The following SGCZ variants were observed in gnomAD, a reference collection of about 807,000 sequenced individuals.
SGCZ encodes the protein zeta-sarcoglycan.
SGCZ carries 40 observed loss-of-function variants against 41.3 expected under a neutral mutation model. The ratio of observed to expected loss-of-function variants is 0.97; its 90% CI spans 0.75 to 1.26. The LOEUF (loss-of-function observed/expected upper bound fraction) is 1.26. Ranked by LOEUF, SGCZ falls within the 50% of genes most tolerant of loss-of-function variation. The probability of loss-of-function intolerance (pLI) is 0.00; values close to 1 mark genes in which losing one functional copy is unlikely to be tolerated. For synonymous variants in SGCZ, 206 were observed against 137.5 expected, an observed-to-expected ratio of 1.50 and a Z score of -3.49; for missense variants, 552 against 369.8, an observed-to-expected ratio of 1.49 and a Z score of -4.04.
At chr8:14,838,539 C>A (rs1563305722) in intron 1 of SGCZ, among the ~76,000 whole-genome samples, 1 of 152,128 alleles carries the variant, frequency 6.6e-6, no homozygotes, top group Non-Finnish European at 1.5e-5. Flanking sequence ...TAGTGTAGAA[C>A]CTGTTGGAAT....
chr8:14,951,952 G>T (rs1038825152), intron 1 of SGCZ, among the ~76,000 whole-genome samples: 2 of 151,964 alleles, frequency 1.3e-5, no homozygotes, highest in South Asian at 4.2e-4. Context: ...TGATTGATGT[G>T]CCTATCATAA....
Position 14,305,449 on chromosome 8 carries a change from C to T in SGCZ, c.336+18654G>A, listed in dbSNP as rs917729041. ...TTCATGAGGTCTATATCTTCAAAAG[C>T]CATTCAAAATTCTGTTGTAAATGTG... On this transcript the variant is annotated intron_variant, in intron 3 of 7. Coordinates refer to ENST00000382080, the MANE Select transcript of SGCZ (RefSeq NM_139167.4). 6.6e-5 allele frequency among the ~76,000 whole-genome samples: 10 copies of T among 152,124 alleles called. No homozygotes were observed. The East Asian group carries it at 1.9e-3, about 29-fold the overall frequency.
At chr8:14,672,479 T>A (rs1336138696) in intron 1 of SGCZ, among the ~76,000 whole-genome samples, 1 of 152,180 alleles carries the variant, frequency 6.6e-6, no homozygotes, top group Non-Finnish European at 1.5e-5. Context: ...AGCCCTGAAG[T>A]GCTATTATTA....
chr8:15,195,381 T>A (rs1800689919), intron 1 of SGCZ, among the ~76,000 whole-genome samples: 1 of 152,216 alleles, frequency 6.6e-6, no homozygotes, highest in Non-Finnish European at 1.5e-5. Flanking sequence ...TCCTTCCCAC[T>A]GCCAAATGCT....
chr8:14,941,328 G>A (rs1800268631), intron 1 of SGCZ, among the ~76,000 whole-genome samples: 1 of 152,054 alleles, frequency 6.6e-6, no homozygotes, highest in African/African-American at 2.4e-5. Context: ...TATTTAAAGT[G>A]GCAAAAACCA....
At position 14,288,210 on chromosome 8, in the gene SGCZ, T is replaced by A. The variant is rs1028279110; in HGVS notation, c.336+35893A>T. ...TTACTTTTTCAGTGTATTATAAAAT[T>A]TAATTATTAATCTCTTAAATTAATT... On this transcript the variant is annotated intron_variant, in intron 3 of 7. Coordinates refer to ENST00000382080, the MANE Select transcript of SGCZ (RefSeq NM_139167.4). Among the ~76,000 whole-genome samples the A allele has an allele frequency of 4.1e-4, 63 of 152,218 alleles. 1 individual carries two copies. The highest frequency in any genetic ancestry group is 1.4e-3 in the African/African-American group (58 of 41,546).
intron 2 of SGCZ, among the ~76,000 whole-genome samples, chr8:14,328,648 G>T (rs903106657): frequency 1.3e-5 from 2 of 151,906 alleles, no homozygotes; most frequent in Non-Finnish European, 2.9e-5. Flanking sequence ...AACTATCTTT[G>T]AACTTCAGTA....
At chr8:14,299,372 CAT>C (rs1438625151) in intron 3 of SGCZ, among the ~76,000 whole-genome samples, 2 of 151,850 alleles carry the variant, frequency 1.3e-5, no homozygotes, top group Non-Finnish European at 2.9e-5. Flanking sequence ...AATGAATAGA[CAT>C]AACGTAGACT....
chr8:14,282,308 T>A (rs576166091), intron 3 of SGCZ, among the ~76,000 whole-genome samples: 1 of 152,246 alleles, frequency 6.6e-6, no homozygotes, highest in South Asian at 2.1e-4. Flanking sequence ...ATATCTTCAC[T>A]CCACACTCAC....
intron 2 of SGCZ, among the ~76,000 whole-genome samples, chr8:14,332,052 C>G (rs1442202051): frequency 6.6e-6 from 1 of 151,962 alleles, no homozygotes; most frequent in African/African-American, 2.4e-5. Context: ...TACCCAAATA[C>G]ATATTTTTAT....
chr8:15,218,537 C>T (rs937666368), intron 1 of SGCZ, among the ~76,000 whole-genome samples: 2 of 152,168 alleles, frequency 1.3e-5, no homozygotes, highest in Non-Finnish European at 2.9e-5. Context: ...TTCTAACATA[C>T]ATCCATGCAA....
rs58672796 is a variant in SGCZ at position 15,128,905 on chromosome 8, C to G, written c.39+108680G>C. Among the ~76,000 whole-genome samples the G allele has an allele frequency of 6.3e-3, 956 of 152,294 alleles. 8 individuals carry two copies. Among genetic ancestry groups the G allele is most frequent in the African/African-American group, 0.022 (898 of 41,560 alleles). On this transcript the variant is annotated intron_variant, in intron 1 of 7. Coordinates refer to ENST00000382080, the MANE Select transcript of SGCZ (RefSeq NM_139167.4). ...ATTTCAGAATAAAACATTCTCTTCT[C>G]TGCTGTCTGATCATACCACCATTCC...
At chr8:14,446,882 A>T (rs1260603480) in intron 2 of SGCZ, among the ~76,000 whole-genome samples, 1 of 152,334 alleles carries the variant, frequency 6.6e-6, no homozygotes, top group East Asian at 1.9e-4. Flanking sequence ...CGAGGAGATT[A>T]TAGCAGATCA....
intron 4 of SGCZ, among the ~76,000 whole-genome samples, chr8:14,234,054 T>C (rs1264410698): frequency 6.6e-6 from 1 of 151,982 alleles, no homozygotes; most frequent in African/African-American, 2.4e-5. Context: ...AATCCTAGAC[T>C]TAGTGGGGGA....
chr8:14,538,766 T>G (rs1432988010), intron 2 of SGCZ, among the ~76,000 whole-genome samples: 2 of 151,876 alleles, frequency 1.3e-5, no homozygotes, highest in Admixed American at 6.6e-5. Context: ...TAAAAGATGC[T>G]ATATGCTGTG....
At chr8:14,214,208 C>G (rs931126978) in intron 4 of SGCZ, among the ~76,000 whole-genome samples, 1 of 152,054 alleles carries the variant, frequency 6.6e-6, no homozygotes, top group African/African-American at 2.4e-5. Context: ...AGAAAAATGT[C>G]AGACAAATCC....
At chr8:15,151,652 T>C (rs1799182669) in intron 1 of SGCZ, among the ~76,000 whole-genome samples, 1 of 152,234 alleles carries the variant, frequency 6.6e-6, no homozygotes, top group Non-Finnish European at 1.5e-5. Context: ...CACTTGGATG[T>C]ACATGTATAC....
intron 1 of SGCZ, among the ~76,000 whole-genome samples, chr8:14,619,162 G>A (rs538951983): frequency 1.3e-5 from 2 of 152,200 alleles, no homozygotes; most frequent in African/African-American, 4.8e-5. Context: ...ACGTAATCCA[G>A]CATATAAACA....
intron 1 of SGCZ, among the ~76,000 whole-genome samples, chr8:14,702,950 TAGA>T (rs1364036014): frequency 4.4e-5 from 6 of 136,188 alleles, no homozygotes; most frequent in Admixed American, 1.6e-4. Context: ...GATAGATAGA[TAGA>T]TAGATAGATA....
Sources: gnomAD v4.1 joint callset for allele counts (sites outside exome capture counted in the v4.1 genomes callset) on GRCh38, gnomAD v4.1.1 for gene constraint, MANE v1.5 for transcripts, NCBI Gene and HGNC (gene_info 2026-07-23, HGNC 2026-07-21) for gene names.